Variants in RGPD2 observed in about 807,000 individuals in gnomAD.
RGPD2 encodes the protein RANBP2-like and GRIP domain-containing protein 2.
In RGPD2, 2 loss-of-function variants were observed where a neutral mutation model predicts 36.0. That is an observed-to-expected ratio of 0.06 (90% CI 0.02 to 0.17). The LOEUF is 0.17. RGPD2 is among the 10% of genes least tolerant of loss of function. The pLI is 1.00. For synonymous variants in RGPD2, 19 were observed against 163.8 expected (o/e 0.12, Z 6.75); for missense variants, 40 against 464.3 (o/e 0.09, Z 8.40).
chr2:87,902,081 G>T, the RGPD2 span, among the ~76,000 whole-genome samples: 1 of 152,160 alleles, frequency 6.6e-6, no homozygotes. Context: ...AGTTACATAG[G>T]CTATGTTCAG....
chr2:87,930,648 C>G, the RGPD2 span, among the ~76,000 whole-genome samples: 5 of 151,578 alleles, frequency 3.3e-5, no homozygotes, highest in African/African-American at 9.7e-5. Context: ...GGCTCCAGCT[C>G]TTCTTGGTAC....
At chr2:87,987,239 C>T in the RGPD2 span, among the ~76,000 whole-genome samples, 1 of 24,192 alleles carries the variant, frequency 4.1e-5, no homozygotes, top group African/African-American at 7.7e-5. Context: ...TCACCTCCAG[C>T]TCCTGGGCTC....
At chr2:87,760,637 A>T (rs1194024592) in intron 22 of RGPD2, among the ~76,000 whole-genome samples, 2 of 5,004 alleles carry the variant, frequency 4.0e-4, no homozygotes, top group Admixed American at 2.1e-3. Flanking sequence ...TTTTTTTTTG[A>T]GACAGAGTCT....
At chr2:87,834,798 A>C in the RGPD2 span, among the ~76,000 whole-genome samples, 1 of 152,074 alleles carries the variant, frequency 6.6e-6, no homozygotes, top group Non-Finnish European at 1.5e-5. Flanking sequence ...TCACACGAAC[A>C]TGAGGATTTT....
At chr2:87,824,861 A>AGGCCGAGGCCGAGGCCGC (rs1686624607) in intron 1 of RGPD2, 1 of 39,828 alleles carries the variant, frequency 2.5e-5, no homozygotes, top group Non-Finnish European at 5.3e-5. Flanking sequence ...GCCGAGGCCG[A>AGGCCGAGGCCGAGGCCGC]GGCCGCCGCC....
rs1322325144 is a variant in RGPD2, at chr2:87,756,488, C to T, written c.*904G>A. 1 of 283,976 alleles carries T rather than the reference C, an allele frequency of 3.5e-6. No individual in the cohort carries two copies. Among genetic ancestry groups the T allele is most frequent in the Admixed American group, 4.6e-5 (1 of 21,594 alleles). 17.6% of individuals were successfully genotyped at this position (283,976 alleles called of 1,614,324 possible). A position where few individuals can be genotyped will look rare whatever the true frequency, so the allele number is the denominator to read the frequency against. ...AAGTGATCTCATTTTATATTGTTTA[C>T]TTGAATATTTCCTGTAACCCCCCTG... On this transcript the variant is annotated 3_prime_UTR_variant, in exon 23 of 23. Transcript: ENST00000398146.
the RGPD2 span, among the ~76,000 whole-genome samples, chr2:87,885,675 T>G: frequency 2.0e-5 from 3 of 149,048 alleles, no homozygotes; most frequent in Non-Finnish European, 4.5e-5. Flanking sequence ...AAGGAAACTA[T>G]GTAGTTACTC....
At chr2:87,853,083 A>G in the RGPD2 span, among the ~76,000 whole-genome samples, 4 of 152,216 alleles carry the variant, frequency 2.6e-5, no homozygotes, top group African/African-American at 9.6e-5. Flanking sequence ...CATTCAATCT[A>G]AAGAGTCTGA....
the RGPD2 span, among the ~76,000 whole-genome samples, chr2:87,846,241 G>A: frequency 1.3e-5 from 2 of 151,788 alleles, no homozygotes; most frequent in African/African-American, 4.8e-5. Flanking sequence ...ATGGCTTTTA[G>A]GATGTATACG....
chr2:87,932,817 C>T, the RGPD2 span, among the ~76,000 whole-genome samples: 1 of 151,650 alleles, frequency 6.6e-6, no homozygotes, highest in Non-Finnish European at 1.5e-5. Flanking sequence ...GCTTAGAGGT[C>T]CGCTGTTAGT....
chr2:87,911,425 C>G, the RGPD2 span, among the ~76,000 whole-genome samples: 10 of 149,496 alleles, frequency 6.7e-5, no homozygotes, highest in African/African-American at 2.0e-4. Context: ...AATGCATGTA[C>G]CGGTTTCTTT....
chr2:87,840,901 T>TA, the RGPD2 span, among the ~76,000 whole-genome samples: 1 of 148,810 alleles, frequency 6.7e-6, no homozygotes, highest in South Asian at 2.1e-4. Flanking sequence ...GATGTTTATA[T>TA]AATTGTATTA....
chr2:87,919,456 G>A, the RGPD2 span, among the ~76,000 whole-genome samples: 3 of 152,082 alleles, frequency 2.0e-5, no homozygotes, highest in Non-Finnish European at 4.4e-5. Flanking sequence ...CTGCTCTTGC[G>A]AGTAAATCAG....
the RGPD2 span, among the ~76,000 whole-genome samples, chr2:87,930,949 A>T: frequency 6.0e-5 from 7 of 116,712 alleles, no homozygotes; most frequent in Non-Finnish European, 7.1e-5. Context: ...ATTGTATTTG[A>T]ACCTTCTTTT....
the RGPD2 span, among the ~76,000 whole-genome samples, chr2:87,929,543 A>G: frequency 6.6e-6 from 1 of 150,516 alleles, no homozygotes; most frequent in African/African-American, 2.4e-5. Flanking sequence ...TTCTTTGGCT[A>G]TTCAGGCTCC....
At chr2:87,939,200 G>A in the RGPD2 span, among the ~76,000 whole-genome samples, 5 of 150,636 alleles carry the variant, frequency 3.3e-5, no homozygotes, top group South Asian at 2.1e-4. Flanking sequence ...AACTTGCTAC[G>A]ATTAACGATA....
the RGPD2 span, among the ~76,000 whole-genome samples, chr2:87,861,300 G>A: frequency 6.6e-6 from 1 of 151,606 alleles, no homozygotes; most frequent in African/African-American, 2.4e-5. Context: ...TGAATGTATT[G>A]AATTTTCTAA....
At chr2:87,913,533 T>C in the RGPD2 span, among the ~76,000 whole-genome samples, 1 of 150,488 alleles carries the variant, frequency 6.6e-6, no homozygotes, top group Non-Finnish European at 1.5e-5. Context: ...CCCTAAAACT[T>C]AAAAGTATAA....
At chr2:87,882,574 A>G in the RGPD2 span, among the ~76,000 whole-genome samples, 1 of 152,198 alleles carries the variant, frequency 6.6e-6, no homozygotes, top group Non-Finnish European at 1.5e-5. Context: ...TGCTTTGAGT[A>G]TTAGGTGTTC....
Sources: allele counts gnomAD v4.1 joint callset (sites outside exome capture counted in the v4.1 genomes callset), GRCh38; gene constraint gnomAD v4.1.1; transcripts MANE v1.5; gene names NCBI Gene and HGNC (gene_info 2026-07-23, HGNC 2026-07-21).